Variants in PDE10A observed in about 807,000 individuals in gnomAD.
PDE10A encodes phosphodiesterase 10A.
A neutral mutation model predicts 97.7 loss-of-function variants in PDE10A; 39 were observed. The ratio of observed to expected loss-of-function variants is 0.40; its 90% CI spans 0.31 to 0.52. The LOEUF (loss-of-function observed/expected upper bound fraction) is 0.52, where lower values mean the gene tolerates loss of function less well. PDE10A is among the 20% of genes least tolerant of loss of function. The pLI, the probability that PDE10A is intolerant of heterozygous loss-of-function variation, is 0.56. For synonymous variants in PDE10A, 371 were observed against 376.8 expected, an observed-to-expected ratio of 0.98 and a Z score of 0.18; for missense variants, 731 against 1,047.8, an observed-to-expected ratio of 0.70 and a Z score of 4.17.
chr6:165,423,898 T>C (rs573022332), intron 10 of PDE10A, among the ~76,000 whole-genome samples: 1 of 151,464 alleles, frequency 6.6e-6, no homozygotes, highest in African/African-American at 2.4e-5. Flanking sequence ...AAATAATAAA[T>C]CTTCCGTATT....
chr6:165,955,367 T>C (rs1022903583), intron 1 of PDE10A, among the ~76,000 whole-genome samples: 2 of 152,224 alleles, frequency 1.3e-5, no homozygotes, highest in Non-Finnish European at 2.9e-5. Flanking sequence ...TCAGTCTCCC[T>C]GTATTCAGTG....
chr6:165,519,008 GT>G (rs1781982469), intron 2 of PDE10A, among the ~76,000 whole-genome samples: 1 of 152,144 alleles, frequency 6.6e-6, no homozygotes, highest in African/African-American at 2.4e-5. Context: ...AATGGAAAGG[GT>G]TTTGAATAAA....
At chr6:165,411,086 CAAAAA>C (rs71026688) in intron 13 of PDE10A, among the ~76,000 whole-genome samples, 10 of 43,084 alleles carry the variant, frequency 2.3e-4, no homozygotes, top group African/African-American at 9.2e-4. Context: ...GACTCCGCCT[CAAAAA>C]AAAAAAAAAA....
intron 2 of PDE10A, among the ~76,000 whole-genome samples, chr6:165,508,629 G>C (rs1781337398): frequency 6.6e-6 from 1 of 151,916 alleles, no homozygotes; most frequent in African/African-American, 2.4e-5. Context: ...ACACTGGTGA[G>C]AGCATTTTAC....
chr6:165,630,891 G>A (rs1162171513), intron 1 of PDE10A, among the ~76,000 whole-genome samples: 2 of 152,120 alleles, frequency 1.3e-5, no homozygotes, highest in Non-Finnish European at 2.9e-5. Context: ...AACAAAACGG[G>A]CAGCTCCTCT....
At chr6:165,457,124 A>T (rs191010079) in intron 3 of PDE10A, among the ~76,000 whole-genome samples, 15 of 152,232 alleles carry the variant, frequency 9.9e-5, no homozygotes, top group African/African-American at 1.4e-4. Flanking sequence ...CCCATGATAA[A>T]GGAATCAATT....
intron 1 of PDE10A, among the ~76,000 whole-genome samples, chr6:165,646,738 A>G (rs1250996908): frequency 6.6e-6 from 1 of 152,188 alleles, no homozygotes; most frequent in Non-Finnish European, 1.5e-5. Context: ...CGGGATGAGA[A>G]GGAGCACCTG....
chr6:165,836,263 G>A (rs1037232297), intron 1 of PDE10A, among the ~76,000 whole-genome samples: 2 of 152,188 alleles, frequency 1.3e-5, no homozygotes, highest in African/African-American at 4.8e-5. Context: ...GAGTCTCATT[G>A]AACAAATAAC....
chr6:165,760,962 C>G (rs1010741268), intron 1 of PDE10A, among the ~76,000 whole-genome samples: 3 of 152,118 alleles, frequency 2.0e-5, no homozygotes, highest in Non-Finnish European at 2.9e-5. Context: ...AAACTGACAG[C>G]CAAGTATGAA....
At chr6:165,687,375 A>T in intron 1 of PDE10A, among the ~76,000 whole-genome samples, 1 of 152,374 alleles carries the variant, frequency 6.6e-6, no homozygotes, top group South Asian at 2.1e-4. Flanking sequence ...GTAAAGGGTC[A>T]CTACACTGTA....
chr6:165,732,186 C>T (rs1792454960), intron 1 of PDE10A, among the ~76,000 whole-genome samples: 1 of 152,180 alleles, frequency 6.6e-6, no homozygotes, highest in Admixed American at 6.5e-5. Flanking sequence ...CCTGCCTCTC[C>T]CTTTTATTGT....
In PDE10A at chr6:165,442,250, G is replaced by A. The variant is rs180736400; in HGVS notation, c.1194+6678C>T. 5.8e-3 allele frequency among the ~76,000 whole-genome samples: 882 copies of A among 152,056 alleles called. 8 individuals carry two copies. The highest frequency in any genetic ancestry group is 5.1e-3 in the Non-Finnish European group (347 of 67,986). The stretch of plus-strand genomic sequence containing the variant: ...GTTGGTGTGCTGCACCCATCAACTC[G>A]TCATTTAGCATTAGGTATATCTCCT... On this transcript the variant is annotated intron_variant, in intron 5 of 21. Coordinates refer to ENST00000539869, the MANE Select transcript of PDE10A (RefSeq NM_001385079.1).
At chr6:165,565,709 G>A (rs1291987058) in intron 1 of PDE10A, among the ~76,000 whole-genome samples, 1 of 152,154 alleles carries the variant, frequency 6.6e-6, no homozygotes, top group Non-Finnish European at 1.5e-5. Context: ...TCAAAACAGT[G>A]TGGTTATTAG....
At chr6:165,501,135 G>A (rs531750947) in intron 2 of PDE10A, among the ~76,000 whole-genome samples, 1 of 152,208 alleles carries the variant, frequency 6.6e-6, no homozygotes, top group South Asian at 2.1e-4. Flanking sequence ...CCGGTACCCT[G>A]GGCCAATTTG....
In PDE10A at chr6:165,390,713, A is replaced by T. The variant is rs145308944; in HGVS notation, c.2454+1933T>A. 1.1e-3 allele frequency among the ~76,000 whole-genome samples: 161 copies of T among 152,292 alleles called. 1 individual carries two copies. The highest frequency in any genetic ancestry group is 3.7e-3 in the African/African-American group (154 of 41,562). On this transcript the variant is annotated intron_variant, in intron 16 of 21. Coordinates refer to ENST00000539869, the MANE Select transcript of PDE10A (RefSeq NM_001385079.1). ...GCCTGCTGAGGGCAGATGCAGACAG[A>T]TGGGGGTGCTGCGATGGGAGTCAGC...
intron 7 of PDE10A, among the ~76,000 whole-genome samples, chr6:165,431,914 A>G (rs766703689): frequency 6.6e-6 from 1 of 152,166 alleles, no homozygotes; most frequent in Non-Finnish European, 1.5e-5. Flanking sequence ...CAAAAATACT[A>G]TTGAAAAGCA....
intron 18 of PDE10A, among the ~76,000 whole-genome samples, chr6:165,351,176 T>C (rs1479221327): frequency 6.6e-6 from 1 of 152,124 alleles, no homozygotes; most frequent in African/African-American, 2.4e-5. Flanking sequence ...TTATACACAA[T>C]TGGGCTTTGG....
intron 1 of PDE10A, among the ~76,000 whole-genome samples, chr6:165,614,299 T>G (rs565390843): frequency 6.6e-6 from 1 of 152,192 alleles, no homozygotes; most frequent in Non-Finnish European, 1.5e-5. Flanking sequence ...CTCACCATTT[T>G]TGGATAAAGT....
intron 1 of PDE10A, chr6:165,660,481 G>T (rs1035004664): frequency 6.6e-6 from 1 of 152,330 alleles, no homozygotes; most frequent in South Asian, 2.1e-4. Flanking sequence ...ACGAGAGGCC[G>T]CTGACCACGC....
Sources: gnomAD v4.1 joint callset for allele counts (sites outside exome capture counted in the v4.1 genomes callset) on GRCh38, gnomAD v4.1.1 for gene constraint, MANE v1.5 for transcripts, NCBI Gene and HGNC (gene_info 2026-07-23, HGNC 2026-07-21) for gene names.